NDUFS4: variants seen among roughly 807,000 people sequenced by gnomAD.
The protein encoded by NDUFS4 is NADH dehydrogenase [ubiquinone] iron-sulfur protein 4, mitochondrial.
Under a neutral mutation model 24.3 loss-of-function variants are expected in NDUFS4, and 28 were observed. That is an observed-to-expected ratio of 1.15 (90% confidence interval 0.85 to 1.58). The LOEUF is 1.58. Among genes scored for constraint, NDUFS4 ranks in the 40% most tolerant of loss-of-function variants. The pLI is 0.00. For synonymous variants in NDUFS4, 93 were observed against 69.7 expected (o/e 1.34, Z -1.67); for missense variants, 223 against 207.9 (o/e 1.07, Z -0.45).
intron 1 of NDUFS4, among the ~76,000 whole-genome samples, chr5:53,598,655 T>C (rs1478883952): frequency 1.3e-5 from 2 of 152,172 alleles, no homozygotes; most frequent in Non-Finnish European, 2.9e-5. Context: ...CATATTGTTA[T>C]CAAGCTGTAT....
intron 1 of NDUFS4, among the ~76,000 whole-genome samples, chr5:53,595,958 A>C (rs1275839488): frequency 6.6e-6 from 1 of 152,224 alleles, no homozygotes; most frequent in East Asian, 1.9e-4. Context: ...GATAATATTC[A>C]GTACTGTAGA....
At chr5:53,664,331 G>A (rs898889836) in intron 4 of NDUFS4, among the ~76,000 whole-genome samples, 5 of 152,116 alleles carry the variant, frequency 3.3e-5, no homozygotes, top group African/African-American at 9.7e-5. Context: ...TTCTTGAGGA[G>A]TATCTTTGTG....
chr5:53,666,122 A>G (rs1036206079), intron 4 of NDUFS4, among the ~76,000 whole-genome samples: 1 of 152,216 alleles, frequency 6.6e-6, no homozygotes, highest in Non-Finnish European at 1.5e-5. Context: ...TTAAAATAAC[A>G]TTACTCTCTT....
chr5:53,643,883 C>T (rs752828745), intron 2 of NDUFS4, among the ~76,000 whole-genome samples: 1 of 152,090 alleles, frequency 6.6e-6, no homozygotes, highest in Non-Finnish European at 1.5e-5. Flanking sequence ...ATCAGAAACC[C>T]ACTTGTTCAA....
At chr5:53,621,578 C>A (rs1039675702) in intron 2 of NDUFS4, among the ~76,000 whole-genome samples, 1 of 151,272 alleles carries the variant, frequency 6.6e-6, no homozygotes, top group Admixed American at 6.6e-5. Context: ...TAATGTATTA[C>A]TTCATATGTA....
intron 1 of NDUFS4, among the ~76,000 whole-genome samples, chr5:53,598,310 T>C (rs1750193967): frequency 6.6e-6 from 1 of 152,206 alleles, no homozygotes; most frequent in Non-Finnish European, 1.5e-5. Flanking sequence ...TGAATGTTTT[T>C]AGCAAAATAA....
At chr5:53,564,141 C>A (rs1748946049) in intron 1 of NDUFS4, among the ~76,000 whole-genome samples, 1 of 152,112 alleles carries the variant, frequency 6.6e-6, no homozygotes, top group Non-Finnish European at 1.5e-5. Flanking sequence ...TGGCTTTATT[C>A]TGTTGCTGTG....
chr5:53,657,997 G>A (rs1455170672), intron 3 of NDUFS4, among the ~76,000 whole-genome samples: 2 of 151,624 alleles, frequency 1.3e-5, no homozygotes, highest in Admixed American at 1.3e-4. Flanking sequence ...ATGTAGATTT[G>A]TAAACATTAA....
rs4147741 is a variant in NDUFS4, at chr5:53,678,514, A to G, written c.425-4604A>G. Among the ~76,000 whole-genome samples, 87 of 152,286 alleles carry G rather than the reference A, an allele frequency of 5.7e-4. No individual in the cohort carries two copies. The East Asian group carries it at 0.013, about 22-fold the overall frequency. On this transcript the variant is annotated intron_variant, in intron 4 of 4. Coordinates refer to ENST00000296684, the MANE Select transcript of NDUFS4 (RefSeq NM_002495.4). Reference sequence around the variant, plus strand: ...TTCTGTCGCACAGCTGAGAAGAGCAAGGGGCTGGTTTTCAGTACCCTAATA... The same window carrying G: ...TTCTGTCGCACAGCTGAGAAGAGCAGGGGGCTGGTTTTCAGTACCCTAATA...
At chr5:53,592,991 A>G (rs1750022536) in intron 1 of NDUFS4, among the ~76,000 whole-genome samples, 1 of 152,110 alleles carries the variant, frequency 6.6e-6, no homozygotes, top group African/African-American at 2.4e-5. Flanking sequence ...TTATAAGAGA[A>G]TTAGTCTATA....
chr5:53,594,199 A>G (rs1363122785), intron 1 of NDUFS4, among the ~76,000 whole-genome samples: 1 of 152,140 alleles, frequency 6.6e-6, no homozygotes, highest in African/African-American at 2.4e-5. Flanking sequence ...GTGTTTGCAT[A>G]GCATATTTTG....
At chr5:53,573,873 T>G (rs948326351) in intron 1 of NDUFS4, 2 of 190,296 alleles carry the variant, frequency 1.1e-5, no homozygotes, top group Non-Finnish European at 2.2e-5. Flanking sequence ...ATTATAGACA[T>G]GAGTTATTGC....
intron 1 of NDUFS4, among the ~76,000 whole-genome samples, chr5:53,594,640 C>T (rs1377995274): frequency 6.6e-6 from 1 of 151,992 alleles, no homozygotes; most frequent in East Asian, 1.9e-4. Context: ...ATGTATCCTA[C>T]AGATTAGTCT....
At chr5:53,594,196 C>T (rs1579849322) in intron 1 of NDUFS4, among the ~76,000 whole-genome samples, 1 of 152,230 alleles carries the variant, frequency 6.6e-6, no homozygotes, top group South Asian at 2.1e-4. Context: ...TCAGTGTTTG[C>T]ATAGCATATT....
chr5:53,663,940 C>T (rs541631432), intron 4 of NDUFS4, among the ~76,000 whole-genome samples: 3 of 152,088 alleles, frequency 2.0e-5, no homozygotes, highest in Non-Finnish European at 2.9e-5. Flanking sequence ...ATGGTCTTTA[C>T]AATTTATCAT....
intron 4 of NDUFS4, among the ~76,000 whole-genome samples, chr5:53,677,922 A>T (rs967254301): frequency 6.6e-6 from 1 of 152,250 alleles, no homozygotes; most frequent in African/African-American, 2.4e-5. Context: ...CAGAACGTCA[A>T]TCAAGGTTAC....
chr5:53,583,811 C>T (rs745484262), intron 1 of NDUFS4, among the ~76,000 whole-genome samples: 8 of 152,142 alleles, frequency 5.3e-5, no homozygotes, highest in Non-Finnish European at 1.0e-4. Flanking sequence ...GGCTTTTCAA[C>T]CATAATTTAA....
At chr5:53,651,525 A>G (rs1752014928) in intron 3 of NDUFS4, among the ~76,000 whole-genome samples, 1 of 151,866 alleles carries the variant, frequency 6.6e-6, no homozygotes, top group Non-Finnish European at 1.5e-5. Context: ...GTAGAATATT[A>G]AAAATATAAA....
intron 1 of NDUFS4, among the ~76,000 whole-genome samples, chr5:53,597,925 A>G (rs989269570): frequency 1.3e-5 from 2 of 152,244 alleles, no homozygotes; most frequent in African/African-American, 4.8e-5. Flanking sequence ...AAGCAACCCA[A>G]TTAAAAAGTG....
Sources: allele counts gnomAD v4.1 joint callset (sites outside exome capture counted in the v4.1 genomes callset), GRCh38; gene constraint gnomAD v4.1.1; transcripts MANE v1.5; gene names NCBI Gene and HGNC (gene_info 2026-07-23, HGNC 2026-07-21).